Variants in SLC9C2 observed in about 807,000 individuals in gnomAD.
SLC9C2 encodes sodium/hydrogen exchanger 11.
Under a neutral mutation model 140.2 loss-of-function variants are expected in SLC9C2, and 75 were observed. The ratio of observed to expected loss-of-function variants is 0.53; its 90% CI spans 0.44 to 0.65. The LOEUF (loss-of-function observed/expected upper bound fraction) is 0.65, where lower values mean the gene tolerates loss of function less well. Ranked by LOEUF, SLC9C2 falls within the 30% of genes least tolerant of loss-of-function variation. The pLI, the probability that SLC9C2 is intolerant of heterozygous loss-of-function variation, is 0.00. For missense variants in SLC9C2, 1,074 were observed against 1,331.8 expected (o/e 0.81, Z 3.01); for synonymous variants, 375 against 420.9 (o/e 0.89, Z 1.34).
At chr1:173,581,379 C>T (rs1388651337) in intron 7 of SLC9C2, among the ~76,000 whole-genome samples, 1 of 152,200 alleles carries the variant, frequency 6.6e-6, no homozygotes, top group Non-Finnish European at 1.5e-5. Context: ...AATAAATATA[C>T]CTCTCCCTTC....
At chr1:173,583,710 G>GA in intron 5 of SLC9C2, 88 bp from the exon 6 acceptor site, 1 of 720,818 alleles carries the variant, frequency 1.4e-6, no homozygotes, top group Admixed American at 2.8e-5. Flanking sequence ...AGAAAGAACA[G>GA]AAAAAGAAAA....
rs374367359 is a variant in SLC9C2 at position 173,531,807 on chromosome 1, C to T, written c.2164-1753G>A. ...TTTGTTTCATTTTAAATACTTTTCA[C>T]GAAGTATGACTTCTAAAATAATTAT... On this transcript the variant is annotated intron_variant, in intron 17 of 27. Coordinates refer to ENST00000367714, the MANE Select transcript of SLC9C2 (RefSeq NM_178527.4). Among the ~76,000 whole-genome samples, 7 of 152,298 alleles carry T rather than the reference C, an allele frequency of 4.6e-5. No homozygotes were observed. In the East Asian group the frequency reaches 7.7e-4, roughly 17 times the overall value.
intron 23 of SLC9C2, among the ~76,000 whole-genome samples, chr1:173,512,689 T>C (rs1352277480): frequency 6.6e-6 from 1 of 152,212 alleles, no homozygotes; most frequent in Non-Finnish European, 1.5e-5. Flanking sequence ...TAATACTATG[T>C]TGAATAGAAG....
At chr1:173,542,073 G>A (rs1398097287) in intron 13 of SLC9C2, among the ~76,000 whole-genome samples, 1 of 152,092 alleles carries the variant, frequency 6.6e-6, no homozygotes, top group African/African-American at 2.4e-5. Context: ...TCCAGGAGCT[G>A]GTTTTTTGAA....
intron 19 of SLC9C2, 87 bp downstream of exon 19, chr1:173,526,576 T>C: frequency 8.3e-7 from 1 of 1,205,574 alleles, no homozygotes; most frequent in Non-Finnish European, 1.2e-6. Context: ...AATGAGCAAG[T>C]AAATGAAAGC....
intron 4 of SLC9C2, among the ~76,000 whole-genome samples, chr1:173,589,285 G>A (rs1666026488): frequency 6.6e-6 from 1 of 151,996 alleles, no homozygotes; most frequent in South Asian, 2.1e-4. Context: ...GGCCAGCCAC[G>A]GTGGCTCATG....
At position 173,597,883 on chromosome 1, in the gene SLC9C2, T is replaced by C. The variant is rs1666533305; in HGVS notation, c.357+21A>G. On this transcript the variant is annotated intron_variant, in intron 4 of 27. Coordinates refer to ENST00000367714, the MANE Select transcript of SLC9C2 (RefSeq NM_178527.4). ...TGCATAAGCAAGAATTGATCGTACTTTGTTTTAAATGTGTTCTTACCTGCC... is the reference window on the plus strand; with the variant it reads ...TGCATAAGCAAGAATTGATCGTACTCTGTTTTAAATGTGTTCTTACCTGCC... 8 of 1,559,052 alleles carry C rather than the reference T, an allele frequency of 5.1e-6. No individual in the cohort carries two copies. In the East Asian group the frequency reaches 1.6e-4, roughly 31 times the overall value.
intron 7 of SLC9C2, among the ~76,000 whole-genome samples, chr1:173,578,517 C>T (rs115879635): frequency 6.6e-6 from 1 of 152,252 alleles, no homozygotes; most frequent in African/African-American, 2.4e-5. Flanking sequence ...ATTCCTGAAG[C>T]AGAGGAAAGT....
intron 23 of SLC9C2, among the ~76,000 whole-genome samples, chr1:173,512,662 G>A (rs7549238): frequency 0.2 from 29,924 of 152,028 alleles, 4,240 homozygotes; most frequent in East Asian, 0.64. Context: ...TTTCCTGATT[G>A]CCCTAGCCAG....
At chr1:173,520,219 C>T (rs528354351) in intron 22 of SLC9C2, among the ~76,000 whole-genome samples, 232 of 152,238 alleles carry the variant, frequency 1.5e-3, no homozygotes, top group Non-Finnish European at 2.8e-3. Flanking sequence ...AGACATATGC[C>T]ACCATGCCCG....
chr1:173,553,496 A>G (rs754840910), intron 11 of SLC9C2, among the ~76,000 whole-genome samples: 4 of 152,234 alleles, frequency 2.6e-5, no homozygotes, highest in Admixed American at 6.5e-5. Flanking sequence ...CAGCTGCCCA[A>G]TCTTCAGCAA....
rs138581378 is a variant in SLC9C2 at position 173,533,692 on chromosome 1, A to G, written c.2080T>C (p.Leu694=). ...IDIFCVYFVK[L]RPDNLALIQL... is the part of the protein sequence containing the mutation. The stretch of plus-strand genomic sequence containing the variant: ...ATAAGAGCCAAGTTGTCTGGTCTCA[A>G]TTTCACAAAGTATACACAAAAGATA... The change falls in exon 17 of 28, where the codon TTG becomes CTG. Residue 694 remains leucine, a synonymous_variant. Transcript: ENST00000367714. 2,376 of 1,612,328 alleles carry G rather than the reference A, an allele frequency of 1.5e-3. 39 individuals are homozygous for G. In the African/African-American group the frequency reaches 0.028, roughly 19 times the overall value.
chr1:173,546,965 C>T (rs1662892758), intron 13 of SLC9C2, among the ~76,000 whole-genome samples: 1 of 152,034 alleles, frequency 6.6e-6, no homozygotes, highest in African/African-American at 2.4e-5. Context: ...GTATTGGTCA[C>T]ATGTGGATGG....
Position 173,534,608 on chromosome 1 carries a change from T to C in SLC9C2, c.1850A>G (p.Asn617Ser). The change falls in exon 16 of 28, where the codon AAT becomes AGT. Residue 617 changes from asparagine (N) to serine (S), a missense_variant. Transcript: ENST00000367714. ...EEFEYTGQII[N>S]LIYIYPMIIH... Reference sequence around the variant, plus strand: ...TATCATAGGATAAATATATATCAAATTTATAATCTGTCCTGTATATTCAAA... The same window carrying C: ...TATCATAGGATAAATATATATCAAACTTATAATCTGTCCTGTATATTCAAA... 6.3e-7 allele frequency: 1 copy of C among 1,586,186 alleles called. No homozygotes were observed. Among genetic ancestry groups the C allele is most frequent in the Non-Finnish European group, 8.6e-7 (1 of 1,167,982 alleles).
intron 4 of SLC9C2, among the ~76,000 whole-genome samples, chr1:173,593,164 T>G (rs1269847370): frequency 2.6e-5 from 4 of 151,954 alleles, no homozygotes; most frequent in African/African-American, 9.7e-5. Flanking sequence ...TAAAGCAACC[T>G]CACAAACAAG....
intron 23 of SLC9C2, among the ~76,000 whole-genome samples, chr1:173,516,366 T>TA (rs777851732): frequency 2.6e-5 from 4 of 152,214 alleles, no homozygotes; most frequent in Non-Finnish European, 4.4e-5. Flanking sequence ...GTTACATAGG[T>TA]AAACTTGTGT....
chr1:173,538,265 G>A (rs972130974), intron 13 of SLC9C2, among the ~76,000 whole-genome samples: 2 of 152,190 alleles, frequency 1.3e-5, no homozygotes, highest in South Asian at 2.1e-4. Context: ...GCCCTGGTAG[G>A]ATGTCCACTG....
intron 22 of SLC9C2, among the ~76,000 whole-genome samples, chr1:173,520,770 T>TCC: frequency 6.6e-6 from 1 of 152,196 alleles, no homozygotes; most frequent in Non-Finnish European, 1.5e-5. Context: ...ATATTAAGGA[T>TCC]TTGTCATTTT....
At chr1:173,588,792 G>A (rs1269554880) in intron 4 of SLC9C2, among the ~76,000 whole-genome samples, 1 of 152,112 alleles carries the variant, frequency 6.6e-6, no homozygotes, top group Non-Finnish European at 1.5e-5. Context: ...TAAGGGAGGA[G>A]GCCAGGTGCA....
Sources: allele counts gnomAD v4.1 joint callset (sites outside exome capture counted in the v4.1 genomes callset), GRCh38; gene constraint gnomAD v4.1.1; transcripts MANE v1.5; gene names NCBI Gene and HGNC (gene_info 2026-07-23, HGNC 2026-07-21).